Variants in NAA16 observed in about 807,000 individuals in gnomAD.
NAA16 encodes N-alpha-acetyltransferase 16, NatA auxiliary subunit, also known as NARG1-like protein.
Under a neutral mutation model 110.3 loss-of-function variants are expected in NAA16, and 97 were observed. That is an observed-to-expected ratio of 0.88 (90% CI 0.75 to 1.04). NAA16 has a LOEUF of 1.04. Ranked by LOEUF, NAA16 falls within the 50% of genes least tolerant of loss-of-function variation. The pLI is 0.00. For synonymous variants in NAA16, 372 were observed against 330.6 expected, an observed-to-expected ratio of 1.13 and a Z score of -1.36; for missense variants, 1,017 against 1,005.1, an observed-to-expected ratio of 1.01 and a Z score of -0.16.
chr13:41,321,422 C>G (rs969574953), intron 4 of NAA16, among the ~76,000 whole-genome samples: 1 of 152,092 alleles, frequency 6.6e-6, no homozygotes, highest in African/African-American at 2.4e-5. Context: ...AGTGATCTTC[C>G]CACCTCACCC....
chr13:41,337,487 G>C (rs2042412408), intron 9 of NAA16, among the ~76,000 whole-genome samples: 2 of 148,658 alleles, frequency 1.3e-5, no homozygotes, highest in Admixed American at 1.4e-4. Context: ...AGCTTGAAGT[G>C]AGCCGAGATC....
intron 13 of NAA16, among the ~76,000 whole-genome samples, chr13:41,365,377 G>C (rs1192303663): frequency 6.6e-6 from 1 of 151,930 alleles, no homozygotes; most frequent in East Asian, 1.9e-4. Flanking sequence ...TGTAACCTTC[G>C]GGGGAAACTG....
intron 14 of NAA16, among the ~76,000 whole-genome samples, chr13:41,368,850 G>A (rs921846435): frequency 1.3e-5 from 2 of 152,110 alleles, no homozygotes; most frequent in Non-Finnish European, 2.9e-5. Flanking sequence ...GCAAAAGGAA[G>A]GTGAAAGATT....
chr13:41,325,915 C>G, intron 6 of NAA16, 64 bp downstream of exon 6: 1 of 1,348,766 alleles, frequency 7.4e-7, no homozygotes, highest in Non-Finnish European at 1.0e-6. Context: ...ATATTTTATT[C>G]TCTCCTAAGT....
intron 9 of NAA16, among the ~76,000 whole-genome samples, chr13:41,349,198 T>C (rs1185554682): frequency 3.3e-5 from 5 of 152,154 alleles, no homozygotes; most frequent in Non-Finnish European, 7.3e-5. Flanking sequence ...TTTAAATCTT[T>C]GTTTAGAGAC....
chr13:41,311,992 C>T (rs1252120945), intron 1 of NAA16, among the ~76,000 whole-genome samples: 2 of 152,250 alleles, frequency 1.3e-5, no homozygotes, highest in Admixed American at 6.5e-5. Flanking sequence ...TTGCGTTCTG[C>T]ATTCTCTGCT....
intron 9 of NAA16, among the ~76,000 whole-genome samples, chr13:41,341,689 C>G (rs566035517): frequency 3.3e-5 from 5 of 152,286 alleles, no homozygotes; most frequent in Non-Finnish European, 7.4e-5. Flanking sequence ...TGCACTCCAG[C>G]CTGTGCCACA....
intron 9 of NAA16, among the ~76,000 whole-genome samples, chr13:41,347,752 C>G (rs77325586): frequency 0.07 from 10,698 of 152,060 alleles, 1,222 homozygotes; most frequent in African/African-American, 0.24. Flanking sequence ...TAATAGATTC[C>G]TTAGGATTTT....
intron 12 of NAA16, 42 bp from the exon 13 acceptor site, chr13:41,361,987 CTT>C (rs1423195114): frequency 6.3e-7 from 1 of 1,594,120 alleles, no homozygotes; most frequent in East Asian, 2.3e-5. Context: ...TTTAGGATCT[CTT>C]TCATTGTTTG....
At chr13:41,359,797 CA>C (rs2043074689) in intron 12 of NAA16, among the ~76,000 whole-genome samples, 1 of 152,064 alleles carries the variant, frequency 6.6e-6, no homozygotes, top group African/African-American at 2.4e-5. Context: ...TAGAAAATTT[CA>C]CTGTACACGA....
chr13:41,332,847 A>G (rs761462889), intron 8 of NAA16, among the ~76,000 whole-genome samples: 2 of 152,194 alleles, frequency 1.3e-5, no homozygotes, highest in African/African-American at 2.4e-5. Flanking sequence ...TAGACAGTAG[A>G]TAGAAATTGA....
chr13:41,369,602 T>C (rs921330174), intron 15 of NAA16, among the ~76,000 whole-genome samples: 5 of 152,202 alleles, frequency 3.3e-5, no homozygotes, highest in Non-Finnish European at 7.3e-5. Flanking sequence ...TTGTAATGAA[T>C]TGACCTCAAG....
Position 41,369,223 on chromosome 13 carries a change from T to A in NAA16, c.1887T>A (p.Asp629Glu). ...RQQKNQKKKR[D>E]EEEEEASGLK... The stretch of plus-strand genomic sequence containing the variant: ...AGAAAAATCAAAAGAAAAAAAGAGA[T>A]GAAGAAGAAGAAGAAGCCAGTGGCC... Residue 629 changes from aspartate (D) to glutamate (E), a missense_variant, in exon 15 of 20, where the codon GAT (aspartate) becomes GAA (glutamate). Transcript: ENST00000379406. The A allele has an allele frequency of 1.3e-6, 2 of 1,593,582 alleles. No individual in the cohort carries two copies. Among genetic ancestry groups the A allele is most frequent in the Non-Finnish European group, 1.7e-6 (2 of 1,173,346 alleles).
At position 41,362,050 on chromosome 13, in the gene NAA16, A is replaced by G. The variant is rs1462628108; in HGVS notation, c.1430A>G (p.Glu477Gly). ...KFTREGTSAMENLNEMQCMWF... is the reference protein window; with the variant it reads ...KFTREGTSAMGNLNEMQCMWF... ...TTTCAGGAAGGAACATCTGCCATGG[A>G]AAATCTAAATGAAATGCAGTGTATG... The change falls in exon 13 of 20, where the codon GAA becomes GGA. Residue 477 changes from glutamate to glycine, a missense_variant. Coordinates refer to ENST00000379406, the MANE Select transcript of NAA16 (RefSeq NM_024561.5). 6.2e-7 allele frequency: 1 copy of G among 1,611,726 alleles called. No individual in the cohort carries two copies. Among genetic ancestry groups the G allele is most frequent in the South Asian group, 1.1e-5 (1 of 90,564 alleles).
chr13:41,346,294 G>A (rs543576543), intron 9 of NAA16, among the ~76,000 whole-genome samples: 31 of 152,290 alleles, frequency 2.0e-4, no homozygotes, highest in African/African-American at 7.2e-4. Flanking sequence ...AACCATAAAT[G>A]CGAGGGTTCA....
intron 13 of NAA16, among the ~76,000 whole-genome samples, chr13:41,365,919 C>A (rs1217768997): frequency 6.6e-6 from 1 of 152,184 alleles, no homozygotes; most frequent in Non-Finnish European, 1.5e-5. Flanking sequence ...GTCCTGTAAT[C>A]TCTTAGATGT....
At chr13:41,353,644 G>T (rs1035710345) in intron 9 of NAA16, among the ~76,000 whole-genome samples, 2 of 151,596 alleles carry the variant, frequency 1.3e-5, no homozygotes, top group Non-Finnish European at 2.9e-5. Context: ...ATACATGCCT[G>T]TAGTCTTAGT....
chr13:41,353,814 T>C (rs2042908797), intron 9 of NAA16, among the ~76,000 whole-genome samples: 1 of 151,028 alleles, frequency 6.6e-6, no homozygotes, highest in Non-Finnish European at 1.5e-5. Context: ...CCAAAACAGA[T>C]TGTACAGAAT....
chr13:41,338,816 A>AT (rs2042451709), intron 9 of NAA16, among the ~76,000 whole-genome samples: 1 of 152,160 alleles, frequency 6.6e-6, no homozygotes, highest in Non-Finnish European at 1.5e-5. Flanking sequence ...GGTTACACAG[A>AT]TAAGTTCTTT....
Sources: gnomAD v4.1 joint callset for allele counts (sites outside exome capture counted in the v4.1 genomes callset) on GRCh38, gnomAD v4.1.1 for gene constraint, MANE v1.5 for transcripts, NCBI Gene and HGNC (gene_info 2026-07-23, HGNC 2026-07-21) for gene names.